GPC6: variants seen among roughly 807,000 people sequenced by gnomAD.
The protein encoded by GPC6 is glypican-6.
In GPC6, 14 loss-of-function variants were observed where a neutral mutation model predicts 55.2. That is an observed-to-expected ratio of 0.25 (90% CI 0.17 to 0.40). The LOEUF (loss-of-function observed/expected upper bound fraction) is 0.40. GPC6 is among the 10% of genes least tolerant of loss of function. GPC6 has a pLI of 1.00. For missense variants in GPC6, 641 were observed against 708.5 expected (o/e 0.90, Z 1.08); for synonymous variants, 278 against 259.6 (o/e 1.07, Z -0.68).
At chr13:93,325,116 A>C (rs897696861) in intron 1 of GPC6, among the ~76,000 whole-genome samples, 1 of 152,174 alleles carries the variant, frequency 6.6e-6, no homozygotes, top group Non-Finnish European at 1.5e-5. Flanking sequence ...TTGCATGCTT[A>C]GGAACATGCT....
intron 3 of GPC6, among the ~76,000 whole-genome samples, chr13:93,886,787 C>G (rs1479587487): frequency 1.3e-5 from 2 of 149,552 alleles, no homozygotes; most frequent in Admixed American, 6.7e-5. Context: ...ATTTTTAATC[C>G]CAAAACGATA....
intron 2 of GPC6, among the ~76,000 whole-genome samples, chr13:93,770,902 T>C (rs575808785): frequency 3.6e-4 from 55 of 152,242 alleles, no homozygotes; most frequent in Middle Eastern, 3.4e-3. Flanking sequence ...TTTTCATCCT[T>C]AGGATGGTTC....
At chr13:93,523,395 A>G (rs974358356) in intron 1 of GPC6, among the ~76,000 whole-genome samples, 1 of 151,426 alleles carries the variant, frequency 6.6e-6, no homozygotes, top group Non-Finnish European at 1.5e-5. Flanking sequence ...GTGTATATAT[A>G]TATCCTCTTT....
intron 1 of GPC6, among the ~76,000 whole-genome samples, chr13:93,378,222 C>T (rs930971563): frequency 6.6e-6 from 1 of 152,162 alleles, no homozygotes; most frequent in Admixed American, 6.5e-5. Flanking sequence ...AATGATTCTG[C>T]TACTTGATGG....
chr13:93,472,271 C>T (rs765866372), intron 1 of GPC6, among the ~76,000 whole-genome samples: 3 of 152,190 alleles, frequency 2.0e-5, no homozygotes, highest in Non-Finnish European at 2.9e-5. Context: ...GCCTTTTCCG[C>T]ATTTTCCTAG....
In GPC6 at chr13:94,365,748, T is replaced by C. The variant is rs79053894; in HGVS notation, c.1153-16666T>C. ...GTTGGATGGAATCATGTTTGCAATA[T>C]CTTACGTAAGATAAGTAAGATATCA... On this transcript the variant is annotated intron_variant, in intron 6 of 8. Transcript: ENST00000377047. 5.7e-3 allele frequency among the ~76,000 whole-genome samples: 863 copies of C among 152,332 alleles called. 6 individuals are homozygous for C. Among genetic ancestry groups the C allele is most frequent in the African/African-American group, 0.02 (834 of 41,568 alleles).
chr13:94,380,155 G>T (rs1261303448), intron 6 of GPC6, among the ~76,000 whole-genome samples: 1 of 152,164 alleles, frequency 6.6e-6, no homozygotes, highest in Admixed American at 6.5e-5. Flanking sequence ...GTGGAGGTAG[G>T]ATTGTAGTAC....
chr13:93,248,014 A>C lies in GPC6; in HGVS notation c.160+20398A>C, dbSNP rs576694626. Among the ~76,000 whole-genome samples, 10 of 152,316 alleles carry C rather than the reference A, an allele frequency of 6.6e-5. No homozygotes were observed. In the South Asian group the frequency reaches 2.1e-3, roughly 32 times the overall value. ...CAAAATTTAACTAATTAACTGAATC[A>C]GTTACTCGGCCTGGGCTATTGATGA... On this transcript the variant is annotated intron_variant, in intron 1 of 8. Transcript: ENST00000377047.
At chr13:93,941,153 C>T (rs548386143) in intron 3 of GPC6, among the ~76,000 whole-genome samples, 1 of 152,250 alleles carries the variant, frequency 6.6e-6, no homozygotes, top group East Asian at 1.9e-4. Context: ...GTATTTAAGA[C>T]AGCCTATAGA....
intron 4 of GPC6, among the ~76,000 whole-genome samples, chr13:94,119,641 C>A (rs766236905): frequency 5.3e-5 from 8 of 152,058 alleles, no homozygotes; most frequent in Non-Finnish European, 1.0e-4. Flanking sequence ...GACCAGTGCC[C>A]CCTGGAGTTG....
At chr13:93,405,062 TG>T (rs1358730774) in intron 1 of GPC6, among the ~76,000 whole-genome samples, 1 of 152,172 alleles carries the variant, frequency 6.6e-6, no homozygotes, top group African/African-American at 2.4e-5. Flanking sequence ...TTTAATCAGT[TG>T]GGTTTATTTT....
chr13:93,368,012 G>A (rs1881308711), intron 1 of GPC6, among the ~76,000 whole-genome samples: 1 of 151,996 alleles, frequency 6.6e-6, no homozygotes, highest in South Asian at 2.1e-4. Flanking sequence ...TCTATCACTT[G>A]TGAAAAGATG....
At chr13:93,267,896 GA>G (rs997073808) in intron 1 of GPC6, among the ~76,000 whole-genome samples, 1 of 152,168 alleles carries the variant, frequency 6.6e-6, no homozygotes. Flanking sequence ...AGTTCTTGGG[GA>G]AAAAATGTGT....
At chr13:93,929,400 T>C (rs1330235076) in intron 3 of GPC6, among the ~76,000 whole-genome samples, 1 of 152,218 alleles carries the variant, frequency 6.6e-6, no homozygotes, top group African/African-American at 2.4e-5. Flanking sequence ...TTGAGAATGT[T>C]AATGCCGTCA....
rs149083662 is a variant in GPC6, at chr13:93,921,095, C to T, written c.711+90550C>T. Among the ~76,000 whole-genome samples, 155 of 152,278 alleles carry T rather than the reference C, an allele frequency of 1.0e-3. 2 individuals are homozygous for T. In the East Asian group the frequency reaches 0.027, roughly 26 times the overall value. On this transcript the variant is annotated intron_variant, in intron 3 of 8. Transcript: ENST00000377047. ...GTCCTGCCAGAAAACCCTAGCTCTC[C>T]ACCTATTTGCATTTTTAAAAAGTCA...
intron 3 of GPC6, among the ~76,000 whole-genome samples, chr13:94,000,060 G>T (rs573888781): frequency 2.0e-5 from 3 of 152,222 alleles, no homozygotes; most frequent in South Asian, 4.1e-4. Context: ...ATGATTTTGC[G>T]TGGATATTTT....
chr13:94,372,030 TCTTC>T (rs1026060245), intron 6 of GPC6, among the ~76,000 whole-genome samples: 2 of 152,082 alleles, frequency 1.3e-5, no homozygotes, highest in South Asian at 2.1e-4. Flanking sequence ...AGTCAGTTTC[TCTTC>T]CTTCCTTCCT....
intron 3 of GPC6, among the ~76,000 whole-genome samples, chr13:93,881,397 G>A (rs9584167): frequency 0.05 from 7,613 of 152,070 alleles, 578 homozygotes; most frequent in African/African-American, 0.17. Flanking sequence ...ATGCTATCTA[G>A]GCACATTGGT....
intron 4 of GPC6, among the ~76,000 whole-genome samples, chr13:94,242,512 A>G (rs556108842): frequency 1.4e-4 from 21 of 152,240 alleles, no homozygotes; most frequent in Non-Finnish European, 2.5e-4. Flanking sequence ...CATCAGTGAT[A>G]GACTGGATTA....
Sources: gnomAD v4.1 joint callset for allele counts (sites outside exome capture counted in the v4.1 genomes callset) on GRCh38, gnomAD v4.1.1 for gene constraint, MANE v1.5 for transcripts, NCBI Gene and HGNC (gene_info 2026-07-23, HGNC 2026-07-21) for gene names.